ANKS4B: variants seen among roughly 807,000 people sequenced by gnomAD.
ANKS4B encodes the protein ankyrin repeat and SAM domain-containing protein 4B.
In ANKS4B, 21 loss-of-function variants were observed where a neutral mutation model predicts 20.2. The ratio of observed to expected loss-of-function variants is 1.04; its 90% CI spans 0.74 to 1.50. The LOEUF is 1.50. Ranked by LOEUF, ANKS4B falls within the 40% of genes most tolerant of loss-of-function variation. The pLI, the probability that ANKS4B is intolerant of heterozygous loss-of-function variation, is 0.00. For missense variants in ANKS4B, 473 were observed against 494.6 expected (o/e 0.96, Z 0.41); for synonymous variants, 179 against 194.5 (o/e 0.92, Z 0.66).
intron 1 of ANKS4B, 120 bp from the exon 2 acceptor site, chr16:21,249,611 C>G (rs2093336228): frequency 8.7e-7 from 1 of 1,152,202 alleles, no homozygotes. Flanking sequence ...AATGTCAAGT[C>G]AGGATGAACA....
At chr16:21,241,523 C>T (rs2093326514) in intron 1 of ANKS4B, among the ~76,000 whole-genome samples, 1 of 152,158 alleles carries the variant, frequency 6.6e-6, no homozygotes, top group Admixed American at 6.5e-5. Context: ...AAGCAATTCT[C>T]CTGCCTGTCT....
intron 1 of ANKS4B, among the ~76,000 whole-genome samples, chr16:21,241,560 T>G (rs2152859476): frequency 6.6e-6 from 1 of 152,196 alleles, no homozygotes; most frequent in Admixed American, 6.5e-5. Flanking sequence ...TACAGGCACA[T>G]GCTACCACCC....
chr16:21,242,635 G>A (rs1346602093), intron 1 of ANKS4B, among the ~76,000 whole-genome samples: 1 of 152,234 alleles, frequency 6.6e-6, no homozygotes, highest in African/African-American at 2.4e-5. Flanking sequence ...AGACTGGATA[G>A]TATTCCATTG....
Position 21,250,123 on chromosome 16 carries a change from C to T in ANKS4B, c.557C>T (p.Ser186Leu). ...SKGTFSRSSPSNASAPGTFGS... is the reference protein window; with the variant it reads ...SKGTFSRSSPLNASAPGTFGS... The stretch of plus-strand genomic sequence containing the variant: ...GGTACCTTCTCCAGATCATCCCCTT[C>T]AAATGCTTCTGCTCCTGGCACATTC... Residue 186 changes from serine to leucine, a missense_variant, in exon 2 of 2, where the codon TCA becomes TTA. Ser to Leu is a moderately radical substitution (Grantham distance 145). Coordinates refer to ENST00000311620, the MANE Select transcript of ANKS4B (RefSeq NM_145865.3). 1 of 1,614,220 alleles carries T rather than the reference C, an allele frequency of 6.2e-7. No homozygotes were observed. Among genetic ancestry groups the T allele is most frequent in the Non-Finnish European group, 8.5e-7 (1 of 1,180,042 alleles).
rs1249979064 is a variant in ANKS4B, at chr16:21,250,723, A to C, written c.1157A>C (p.Gln386Pro). Residue 386 changes from glutamine (Q) to proline (P), a missense_variant, in exon 2 of 2, where the codon CAA becomes CCA. Coordinates refer to ENST00000311620, the MANE Select transcript of ANKS4B (RefSeq NM_145865.3). Reference sequence around the variant, plus strand: ...TCTGATGAGGACCTTCAGAGCATACAAATGCAGCTGGGTCCCAGGAAGAAA... The same window carrying C: ...TCTGATGAGGACCTTCAGAGCATACCAATGCAGCTGGGTCCCAGGAAGAAA... ...LCSDEDLQSI[Q>P]MQLGPRKKVL... The C allele has an allele frequency of 1.9e-6, 3 of 1,610,282 alleles. No homozygotes were observed. The highest frequency in any genetic ancestry group is 2.5e-6 in the Non-Finnish European group (3 of 1,176,794).
At position 21,250,847 on chromosome 16, in the gene ANKS4B, G is replaced by GGT. The variant is rs1401849325; in HGVS notation, c.*29_*30dup. 2.6e-6 allele frequency: 4 copies of GGT among 1,557,524 alleles called. No homozygotes were observed. On this transcript the variant is annotated 3_prime_UTR_variant, in exon 2 of 2. Coordinates refer to ENST00000311620, the MANE Select transcript of ANKS4B (RefSeq NM_145865.3). ...GGAGAGTTTTGGCCTGGAGCATTGG[G>GGT]GTGATGCTGTGGCCCGCTGGCAGCA...
chr16:21,234,287 C>G (rs1242137502), intron 1 of ANKS4B, among the ~76,000 whole-genome samples: 3 of 151,784 alleles, frequency 2.0e-5, no homozygotes, highest in Non-Finnish European at 2.9e-5. Context: ...GAACAAATGA[C>G]ATGGTTTTAG....
At chr16:21,240,021 T>C (rs2093324540) in intron 1 of ANKS4B, among the ~76,000 whole-genome samples, 1 of 152,128 alleles carries the variant, frequency 6.6e-6, no homozygotes, top group Non-Finnish European at 1.5e-5. Flanking sequence ...AATACTGAAG[T>C]CCATTTCAGT....
Position 21,250,699 on chromosome 16 carries a change from C to T in ANKS4B, c.1133C>T (p.Ser378Phe), listed in dbSNP as rs1202785229. The T allele has an allele frequency of 1.9e-6, 3 of 1,612,982 alleles. No homozygotes were observed. The African/African-American group carries it at 4.0e-5, about 22-fold the overall frequency. The change falls in exon 2 of 2, where the codon TCT becomes TTT. Residue 378 changes from serine (S) to phenylalanine (F), a missense_variant. Ser to Phe is a radical substitution (Grantham distance 155). Transcript: ENST00000311620. ...GATCTAGAAGCTCTGCTGCTCTGCT[C>T]TGATGAGGACCTTCAGAGCATACAA... ...QIDLEALLLC[S>F]DEDLQSIQMQ...
At chr16:21,249,523 T>C (rs559804712) in intron 1 of ANKS4B, among the ~76,000 whole-genome samples, 2 of 152,298 alleles carry the variant, frequency 1.3e-5, no homozygotes, top group African/African-American at 2.4e-5. Context: ...ACGGTAGAGA[T>C]GGGCTCTGTT....
intron 1 of ANKS4B, among the ~76,000 whole-genome samples, chr16:21,248,279 C>T (rs904026644): frequency 1.3e-5 from 2 of 150,118 alleles, no homozygotes; most frequent in Non-Finnish European, 3.0e-5. Context: ...CCCACCTCAG[C>T]CTCCCAGTGC....
chr16:21,245,858 A>T (rs921268304), intron 1 of ANKS4B, among the ~76,000 whole-genome samples: 5 of 152,228 alleles, frequency 3.3e-5, no homozygotes, highest in Non-Finnish European at 5.9e-5. Context: ...ATTAAGGATT[A>T]TGAGTTTGGG....
chr16:21,236,652 C>A (rs899407803), intron 1 of ANKS4B, among the ~76,000 whole-genome samples: 1 of 151,956 alleles, frequency 6.6e-6, no homozygotes, highest in Non-Finnish European at 1.5e-5. Context: ...CTCAAATAAT[C>A]CTCCTGCCTC....
chr16:21,239,235 G>A (rs576408186), intron 1 of ANKS4B, among the ~76,000 whole-genome samples: 3 of 152,090 alleles, frequency 2.0e-5, no homozygotes, highest in Non-Finnish European at 2.9e-5. Context: ...ACTACCATTC[G>A]AGCCAGCAAT....
Position 21,250,303 on chromosome 16 carries a change from TC to T in ANKS4B, c.738del (p.Phe246LeufsTer26), listed in dbSNP as rs994813981. The T allele has an allele frequency of 2.5e-6, 4 of 1,614,018 alleles. No individual in the cohort carries two copies. The highest frequency in any genetic ancestry group is 3.4e-6 in the Non-Finnish European group (4 of 1,180,038). ...EEEEDSFSGD[F>X]KEKLQLSAEE... ...GAGGAAGACTCGTTCTCAGGGGACTTCAAAGAGAAGCTCCAGTTGTCAGCAG... is the reference window on the plus strand; with the variant it reads ...GAGGAAGACTCGTTCTCAGGGGACTTAAAGAGAAGCTCCAGTTGTCAGCAG... On this transcript the variant is annotated frameshift_variant, in exon 2 of 2. Coordinates refer to ENST00000311620, the MANE Select transcript of ANKS4B (RefSeq NM_145865.3). LOFTEE classifies it low-confidence loss of function (END_TRUNC).
chr16:21,245,961 C>T (rs2152859788), intron 1 of ANKS4B, among the ~76,000 whole-genome samples: 1 of 152,300 alleles, frequency 6.6e-6, no homozygotes. Context: ...TTATTTAATT[C>T]ACATAACTCT....
rs748003891 is a variant in ANKS4B at position 21,250,434 on chromosome 16, A to G, written c.868A>G (p.Ser290Gly). The change falls in exon 2 of 2, where the codon AGC becomes GGC. Residue 290 changes from serine to glycine, a missense_variant. By Grantham distance (56) the Ser-to-Gly change is moderately conservative. Coordinates refer to ENST00000311620, the MANE Select transcript of ANKS4B (RefSeq NM_145865.3). Reference sequence around the variant, plus strand: ...ATCGAGTCCTGAAGACATCTCAGATAGCAAGAGAGAGTTTGGTTTTAAACT... The same window carrying G: ...ATCGAGTCCTGAAGACATCTCAGATGGCAAGAGAGAGTTTGGTTTTAAACT... Reference protein sequence around the residue: ...RISSPEDISDSKREFGFKLPS... With the variant: ...RISSPEDISDGKREFGFKLPS... 2 of 1,614,196 alleles carry G rather than the reference A, an allele frequency of 1.2e-6. No homozygotes were observed. The highest frequency in any genetic ancestry group is 1.7e-6 in the Non-Finnish European group (2 of 1,180,032).
intron 1 of ANKS4B, among the ~76,000 whole-genome samples, chr16:21,249,478 A>G (rs1322915435): frequency 2.0e-5 from 3 of 152,208 alleles, no homozygotes; most frequent in Non-Finnish European, 4.4e-5. Context: ...ACCTGTCTCA[A>G]AACAAAACAA....
intron 1 of ANKS4B, among the ~76,000 whole-genome samples, chr16:21,244,995 G>C (rs2093330674): frequency 6.6e-6 from 1 of 152,140 alleles, no homozygotes; most frequent in Non-Finnish European, 1.5e-5. Context: ...TCAGCCATCT[G>C]TGCCTCTGCT....
Sources: gnomAD v4.1 joint callset for allele counts (sites outside exome capture counted in the v4.1 genomes callset) on GRCh38, gnomAD v4.1.1 for gene constraint, MANE v1.5 for transcripts, NCBI Gene and HGNC (gene_info 2026-07-23, HGNC 2026-07-21) for gene names.